Variants in NUP210 observed in about 807,000 individuals in gnomAD.
The protein encoded by NUP210 is nuclear pore membrane glycoprotein 210.
In NUP210, 151 loss-of-function variants were observed where a neutral mutation model predicts 196.0. The observed-to-expected ratio is 0.77, with a 90% confidence interval of 0.67 to 0.88. The LOEUF is 0.88. Among genes scored for constraint, NUP210 ranks in the 40% least tolerant of loss-of-function variants. NUP210 has a pLI of 0.00. For missense variants in NUP210, 2,314 were observed against 2,493.7 expected (o/e 0.93, Z 1.53); for synonymous variants, 1,070 against 1,052.7 (o/e 1.02, Z -0.32).
intron 2 of NUP210, among the ~76,000 whole-genome samples, 175 bp downstream of exon 2, chr3:13,399,550 C>T (rs1699769155): frequency 6.6e-6 from 1 of 152,144 alleles, no homozygotes; most frequent in South Asian, 2.1e-4. Flanking sequence ...AGTGCTGGCA[C>T]AAGGCTTGGG....
rs201917594 is a variant in NUP210 at position 13,397,391 on chromosome 3, G to T, written c.402C>A (p.Pro134=). ...CCAGGGCCTGGATCTTCAGCTCCAG[G>T]GGGGAGTCCTCCAGGTAGAGCTCGC... ...TTRELYLEDS[P]LELKIQALDS... Residue 134 remains proline (P), a synonymous_variant, in exon 3 of 40, where the codon CCC becomes CCA. Coordinates refer to ENST00000254508, the MANE Select transcript of NUP210 (RefSeq NM_024923.4). 365 of 1,612,080 alleles carry T rather than the reference G, an allele frequency of 2.3e-4. 6 individuals carry two copies. The South Asian group carries it at 3.0e-3, about 13-fold the overall frequency.
Position 13,373,805 on chromosome 3 carries a change from C to G in NUP210, c.1500G>C (p.Lys500Asn). ...TGTCACTGCCTGTGGTCATCACGCC[C>G]TTGACAGTAACTGTGGCAACCAGGT... ...SSHLVATVTV[K>N]GVMTTGSDIG... The change falls in exon 12 of 40, where the codon AAG becomes AAC. Residue 500 changes from lysine to asparagine, a missense_variant. Lys to Asn is a moderately conservative substitution (Grantham distance 94, BLOSUM62 0). Coordinates refer to ENST00000254508, the MANE Select transcript of NUP210 (RefSeq NM_024923.4). 1 of 1,614,148 alleles carries G rather than the reference C, an allele frequency of 6.2e-7. No individual in the cohort carries two copies. The highest frequency in any genetic ancestry group is 1.1e-5 in the South Asian group (1 of 91,072).
chr3:13,364,157 A>T (rs1698456047), intron 14 of NUP210, among the ~76,000 whole-genome samples: 1 of 152,054 alleles, frequency 6.6e-6, no homozygotes, highest in African/African-American at 2.4e-5. Context: ...GGTAAAATAC[A>T]TTCTTTGCTT....
chr3:13,361,051 G>T (rs143065885), intron 14 of NUP210, among the ~76,000 whole-genome samples: 2 of 152,226 alleles, frequency 1.3e-5, no homozygotes, highest in Non-Finnish European at 2.9e-5. Context: ...TCATGTTGCT[G>T]TAAAAAGCAT....
chr3:13,386,883 C>G (rs769523533), intron 5 of NUP210, among the ~76,000 whole-genome samples: 4 of 152,192 alleles, frequency 2.6e-5, no homozygotes, highest in Non-Finnish European at 5.9e-5. Context: ...TCACCCCCGA[C>G]CTGTGACCTC....
intron 14 of NUP210, among the ~76,000 whole-genome samples, chr3:13,364,530 A>G (rs1698467020): frequency 6.6e-6 from 1 of 152,218 alleles, no homozygotes; most frequent in African/African-American, 2.4e-5. Context: ...GGGTTCAGAG[A>G]TAAAAGATCC....
intron 30 of NUP210, among the ~76,000 whole-genome samples, chr3:13,329,463 C>T (rs13061844): frequency 6.6e-6 from 1 of 152,130 alleles, no homozygotes; most frequent in East Asian, 1.9e-4. Flanking sequence ...AATCTATCCT[C>T]GCTCAAAAGC....
intron 1 of NUP210, among the ~76,000 whole-genome samples, chr3:13,410,927 A>AAAT (rs752854859): frequency 0.12 from 17,853 of 147,486 alleles, 2,324 homozygotes; most frequent in African/African-American, 0.32. Flanking sequence ...CAAAAAAAAA[A>AAAT]AAAAAAAAAA....
intron 29 of NUP210, among the ~76,000 whole-genome samples, chr3:13,330,850 G>A (rs529727413): frequency 6.6e-5 from 10 of 152,308 alleles, no homozygotes; most frequent in East Asian, 5.8e-4. Context: ...CAATGGTTCC[G>A]AGCAAAGTGT....
intron 3 of NUP210, among the ~76,000 whole-genome samples, chr3:13,397,137 T>G (rs915065787): frequency 6.6e-6 from 1 of 151,964 alleles, no homozygotes; most frequent in African/African-American, 2.4e-5. Flanking sequence ...GGAGTGACCA[T>G]GATTCGACAC....
At chr3:13,331,474 A>G (rs931555752) in intron 29 of NUP210, among the ~76,000 whole-genome samples, 13 of 152,058 alleles carry the variant, frequency 8.5e-5, no homozygotes, top group African/African-American at 2.9e-4. Flanking sequence ...ATCCTTCAAG[A>G]ACTGCAGCCC....
Position 13,420,141 on chromosome 3 carries a change from T to C in NUP210, c.86A>G (p.Asn29Ser). Reference protein sequence around the residue: ...AGPSAAAAKLNIPKVLLPFTR... With the variant: ...AGPSAAAAKLSIPKVLLPFTR... ...GAAGGGCAGCAGCACTTTGGGGATG[T>C]TGAGCTTGGCCGCAGCGGCGGAGGG... The change falls in exon 1 of 40, where the codon AAC becomes AGC. Residue 29 changes from asparagine (N) to serine (S), a missense_variant. By Grantham distance (46) the Asn-to-Ser change is conservative (BLOSUM62 1). Coordinates refer to ENST00000254508, the MANE Select transcript of NUP210 (RefSeq NM_024923.4). The surrounding 1 kb of genome is among the most constrained non-coding windows in gnomAD (Gnocchi z 4.8). 7.5e-7 allele frequency: 1 copy of C among 1,333,434 alleles called. No homozygotes were observed. The highest frequency in any genetic ancestry group is 9.8e-7 in the Non-Finnish European group (1 of 1,022,370). The allele number at this position is 1,333,434 out of a possible 1,614,324, so 82.6% of individuals were successfully genotyped here. A position where few individuals can be genotyped will look rare whatever the true frequency, so the allele number is the denominator to read the frequency against.
chr3:13,384,418 C>T (rs1420495303), intron 6 of NUP210, among the ~76,000 whole-genome samples: 2 of 152,116 alleles, frequency 1.3e-5, no homozygotes, highest in Admixed American at 6.5e-5. Flanking sequence ...ATGTATGAAA[C>T]AGGGTATTAA....
rs1185018557 is a variant in NUP210 at position 13,350,585 on chromosome 3, TCCAA to T, written c.2835+1290_2835+1293del. Among the ~76,000 whole-genome samples, 2 of 151,988 alleles carry T rather than the reference TCCAA, an allele frequency of 1.3e-5. No homozygotes were observed. Among genetic ancestry groups the T allele is most frequent in the African/African-American group, 4.8e-5 (2 of 41,352 alleles). ...AGATCAGATTCACCAGGCAAAGCCT[TCCAA>T]CCAAACAACGATGAAGGGAGTAAAG... is the stretch of plus-strand genomic sequence containing the variant. On this transcript the variant is annotated intron_variant, in intron 20 of 39. Transcript: ENST00000254508. The surrounding 1 kb of genome is among the most constrained non-coding windows in gnomAD (Gnocchi z 4.1).
intron 1 of NUP210, among the ~76,000 whole-genome samples, chr3:13,410,629 A>G (rs531547290): frequency 1.3e-5 from 2 of 150,996 alleles, no homozygotes; most frequent in Non-Finnish European, 3.0e-5. Flanking sequence ...AAAAAAAAAA[A>G]CAAAAAGGCC....
chr3:13,393,804 C>T (rs961137234), intron 3 of NUP210, among the ~76,000 whole-genome samples: 6 of 152,276 alleles, frequency 3.9e-5, no homozygotes, highest in Non-Finnish European at 7.4e-5. Context: ...GAGCCCTTGA[C>T]CTTGAAGCCT....
At chr3:13,354,381 CCTACGCAT>C (rs1698095042) in intron 16 of NUP210, 1 of 473,948 alleles carries the variant, frequency 2.1e-6, no homozygotes, top group Non-Finnish European at 3.8e-6. Context: ...TCTGGCTGTC[CCTACGCAT>C]GAGTCAGGGG....
At chr3:13,391,171 TC>T in intron 4 of NUP210, 39 bp downstream of exon 4, 2 of 1,456,360 alleles carry the variant, frequency 1.4e-6, no homozygotes. Context: ...CCTTTCCCCT[TC>T]CCTTCAAAGG....
At chr3:13,341,908 C>G (rs756314582) in intron 22 of NUP210, 25 bp from the exon 23 acceptor site, 1 of 1,614,000 alleles carries the variant, frequency 6.2e-7, no homozygotes, top group Admixed American at 1.7e-5. Context: ...AGGGCTGGGA[C>G]TTCTCCAAGA....
Sources: gnomAD v4.1 joint callset for allele counts (sites outside exome capture counted in the v4.1 genomes callset) on GRCh38, gnomAD v4.1.1 for gene constraint, Gnocchi (gnomAD v3.1) non-coding constraint, MANE v1.5 for transcripts, NCBI Gene and HGNC (gene_info 2026-07-23, HGNC 2026-07-21) for gene names.